SHANK2: variants seen among roughly 807,000 people sequenced by gnomAD.
The protein encoded by SHANK2 is SH3 and multiple ankyrin repeat domains 2.
In SHANK2, 43 loss-of-function variants were observed where a neutral mutation model predicts 133.7. The ratio of observed to expected loss-of-function variants is 0.32; its 90% CI spans 0.25 to 0.41. SHANK2 has a LOEUF of 0.41. SHANK2 is among the 10% of genes least tolerant of loss of function. The probability of loss-of-function intolerance (pLI) is 1.00; values close to 1 mark genes in which losing one functional copy is unlikely to be tolerated. For missense variants in SHANK2, 1,994 were observed against 2,235.8 expected (o/e 0.89, Z 2.18); for synonymous variants, 1,017 against 952.8 (o/e 1.07, Z -1.24).
At chr11:70,528,829 A>C (rs1303603717) in intron 17 of SHANK2, among the ~76,000 whole-genome samples, 1 of 152,106 alleles carries the variant, frequency 6.6e-6, no homozygotes, top group African/African-American at 2.4e-5. Context: ...TGGGAGAAGC[A>C]CAGCACCCAG....
Position 70,661,050 on chromosome 11 carries a change from C to T in SHANK2, c.1936+546G>A, listed in dbSNP as rs141651843. Among the ~76,000 whole-genome samples, 373 of 152,312 alleles carry T rather than the reference C, an allele frequency of 2.4e-3. 2 individuals are homozygous for T. Among genetic ancestry groups the T allele is most frequent in the African/African-American group, 8.1e-3 (337 of 41,574 alleles). On this transcript the variant is annotated intron_variant, in intron 16 of 25. Coordinates refer to ENST00000601538, the MANE Select transcript of SHANK2 (RefSeq NM_012309.5). ...ACGGGCCACGTAACGTGTGTGCTGC[C>T]GGCTCAGTCCACGGCAGAGGGGACC...
At chr11:70,806,663 A>C (rs1555051921) in intron 13 of SHANK2, among the ~76,000 whole-genome samples, 1 of 152,142 alleles carries the variant, frequency 6.6e-6, no homozygotes, top group Non-Finnish European at 1.5e-5. Flanking sequence ...GACCCATGCC[A>C]GGGCCCACCC....
chr11:71,202,300 G>A (rs1484794433), intron 2 of SHANK2, among the ~76,000 whole-genome samples: 2 of 152,182 alleles, frequency 1.3e-5, no homozygotes, highest in East Asian at 1.9e-4. Flanking sequence ...ACAGGTCATG[G>A]AACCACATCT....
intron 10 of SHANK2, among the ~76,000 whole-genome samples, chr11:70,917,774 T>C (rs1950289773): frequency 6.6e-6 from 1 of 152,220 alleles, no homozygotes; most frequent in African/African-American, 2.4e-5. Context: ...AAATACAGCA[T>C]GTTCTCATTT....
chr11:70,733,062 C>G (rs1204422522), intron 14 of SHANK2, among the ~76,000 whole-genome samples: 1 of 152,228 alleles, frequency 6.6e-6, no homozygotes. Context: ...GTGGGAGAGA[C>G]AGACGCGGAG....
intron 11 of SHANK2, among the ~76,000 whole-genome samples, chr11:70,835,741 G>A (rs1014414396): frequency 1.3e-5 from 2 of 152,156 alleles, no homozygotes; most frequent in Non-Finnish European, 2.9e-5. Flanking sequence ...TGAGTCCTGG[G>A]TCAGTCTCTG....
At chr11:71,083,142 T>G in intron 8 of SHANK2, among the ~76,000 whole-genome samples, 1 of 152,280 alleles carries the variant, frequency 6.6e-6, no homozygotes, top group Non-Finnish European at 1.5e-5. Flanking sequence ...AGTTTTGCCA[T>G]GTTGGCTGGG....
intron 14 of SHANK2, among the ~76,000 whole-genome samples, chr11:70,721,338 G>A (rs1286929451): frequency 1.3e-5 from 2 of 152,194 alleles, no homozygotes; most frequent in African/African-American, 4.8e-5. Flanking sequence ...CCTGAAGGTC[G>A]GTTCTCAATG....
chr11:70,711,832 G>A (rs1945791197), intron 14 of SHANK2, among the ~76,000 whole-genome samples: 2 of 152,330 alleles, frequency 1.3e-5, no homozygotes, highest in East Asian at 3.9e-4. Context: ...GCACCTTCTG[G>A]GCTCCCGGGA....
chr11:70,710,468 G>A (rs782774042), intron 14 of SHANK2, among the ~76,000 whole-genome samples: 9 of 152,192 alleles, frequency 5.9e-5, no homozygotes, highest in Non-Finnish European at 1.0e-4. Context: ...ATATGAGGCC[G>A]GCGAGGGAGG....
At chr11:70,829,431 G>A (rs1948694098) in intron 11 of SHANK2, among the ~76,000 whole-genome samples, 1 of 152,132 alleles carries the variant, frequency 6.6e-6, no homozygotes, top group Non-Finnish European at 1.5e-5. Context: ...AGGGAGAAGG[G>A]AAGGAGCCTT....
chr11:70,820,787 G>A (rs1555055779), intron 11 of SHANK2, 105 bp from the exon 12 acceptor site: 4 of 570,710 alleles, frequency 7.0e-6, no homozygotes, highest in Admixed American at 3.1e-5. Context: ...AAGCCCCCAT[G>A]CGAGCCCAGC....
In SHANK2 at chr11:70,486,942, G is replaced by A. The variant is rs142550207; in HGVS notation, c.3351C>T (p.Pro1117=). ...ACATGGAGGGCCGCGTCCTGGGGGCGGGTGGCCCCAGGCCCACATCCTCAT... is the reference window on the plus strand; with the variant it reads ...ACATGGAGGGCCGCGTCCTGGGGGCAGGTGGCCCCAGGCCCACATCCTCAT... ...LGDEDVGLGP[P]APRTRPSMFP... Residue 1117 remains proline (P), a synonymous_variant, in exon 25 of 26, where the codon CCC becomes CCT. Transcript: ENST00000601538. The surrounding 1 kb of genome is among the most constrained non-coding windows in gnomAD (Gnocchi z 8.0). 13 of 1,612,218 alleles carry A rather than the reference G, an allele frequency of 8.1e-6. No individual in the cohort carries two copies. The highest frequency in any genetic ancestry group is 1.1e-5 in the Non-Finnish European group (13 of 1,179,732).
At chr11:70,650,163 C>A (rs1485914771) in intron 17 of SHANK2, among the ~76,000 whole-genome samples, 1 of 152,212 alleles carries the variant, frequency 6.6e-6, no homozygotes, top group Non-Finnish European at 1.5e-5. Flanking sequence ...TGAGCTGAAA[C>A]CTCAGTGGTG....
rs56946028 is a variant in SHANK2, at chr11:71,207,178, C to CTT, written c.-13+17517_-13+17518dup. Among the ~76,000 whole-genome samples, 237 of 115,818 alleles carry CTT rather than the reference C, an allele frequency of 2.0e-3. 4 individuals carry two copies. The highest frequency in any genetic ancestry group is 3.1e-3 in the African/African-American group (89 of 28,958). The allele number at this position is 115,818 out of a possible 152,430, so 76.0% of individuals were successfully genotyped here. On this transcript the variant is annotated intron_variant, in intron 2 of 25. Transcript: ENST00000601538. ...GGATTCAACCAACACTTTAAAATTC[C>CTT]TTTTTTTTTTTTTTTTTTTGAGACA...
At chr11:70,924,336 C>T (rs1950396262) in intron 10 of SHANK2, among the ~76,000 whole-genome samples, 1 of 38,736 alleles carries the variant, frequency 2.6e-5, no homozygotes, top group African/African-American at 1.1e-4. Context: ...TCACCTGGGA[C>T]ACGCTGCTCC....
At chr11:70,913,957 G>A (rs1555079472) in intron 10 of SHANK2, among the ~76,000 whole-genome samples, 1 of 152,200 alleles carries the variant, frequency 6.6e-6, no homozygotes, top group Non-Finnish European at 1.5e-5. Context: ...CTGGCATCAG[G>A]GTGTTCTCGT....
intron 11 of SHANK2, among the ~76,000 whole-genome samples, chr11:70,869,530 T>G (rs1437484634): frequency 6.6e-6 from 1 of 152,222 alleles, no homozygotes; most frequent in African/African-American, 2.4e-5. Flanking sequence ...GACCAGTTGG[T>G]TCATGGCAGG....
At chr11:70,941,108 C>T (rs11238038) in intron 10 of SHANK2, among the ~76,000 whole-genome samples, 43,222 of 152,084 alleles carry the variant, frequency 0.28, 7,282 homozygotes, top group African/African-American at 0.47. Context: ...ATAAGCTTGT[C>T]GGTAAAATTG....
Sources: allele counts gnomAD v4.1 joint callset (sites outside exome capture counted in the v4.1 genomes callset), GRCh38; gene constraint gnomAD v4.1.1; non-coding constraint Gnocchi (gnomAD v3.1); transcripts MANE v1.5; gene names NCBI Gene and HGNC (gene_info 2026-07-23, HGNC 2026-07-21).